The following ADIPOR2 variants were observed in gnomAD, a reference collection of about 807,000 sequenced individuals.
The protein encoded by ADIPOR2 is adiponectin receptor protein 2.
A neutral mutation model predicts 40.9 loss-of-function variants in ADIPOR2; 18 were observed. The observed-to-expected ratio is 0.44, with a 90% CI of 0.30 to 0.65. The LOEUF (loss-of-function observed/expected upper bound fraction) is 0.65, where lower values mean the gene tolerates loss of function less well. ADIPOR2 is among the 30% of genes least tolerant of loss of function. ADIPOR2 has a pLI of 0.09. For synonymous variants in ADIPOR2, 165 were observed against 166.4 expected (o/e 0.99, Z 0.06); for missense variants, 283 against 479.2 (o/e 0.59, Z 3.82).
chr12:1,776,216 A>G (rs140402805), intron 3 of ADIPOR2, among the ~76,000 whole-genome samples: 3,069 of 152,310 alleles, frequency 0.02, 44 homozygotes, highest in Non-Finnish European at 0.032. Context: ...TTCTTTTACA[A>G]ATATCTGTAA....
intron 1 of ADIPOR2, chr12:1,696,421 C>G (rs10848554): frequency 0.82 from 120,483 of 147,550 alleles, 49,691 homozygotes; most frequent in East Asian, 0.9. Context: ...TTGGTTACAG[C>G]GTCTTACTCT....
chr12:1,748,470 A>G (rs190682873), intron 1 of ADIPOR2, among the ~76,000 whole-genome samples: 1,876 of 152,036 alleles, frequency 0.012, 18 homozygotes, highest in Middle Eastern at 0.024. Flanking sequence ...GGATGGTCTC[A>G]ATCTCCTGAC....
intron 3 of ADIPOR2, among the ~76,000 whole-genome samples, chr12:1,776,301 G>T (rs1051960530): frequency 6.6e-5 from 10 of 152,216 alleles, no homozygotes; most frequent in Admixed American, 5.9e-4. Context: ...TGAGTAAGTG[G>T]CAGTCTTTCC....
In ADIPOR2 at chr12:1,719,110, A is replaced by C. The variant is rs1383507977; in HGVS notation, c.-87+27919A>C. Among the ~76,000 whole-genome samples, 7 of 152,206 alleles carry C rather than the reference A, an allele frequency of 4.6e-5. No homozygotes were observed. In the East Asian group the frequency reaches 1.4e-3, roughly 29 times the overall value. ...ATCTTTTTTTAAGGGCCATATTAGT[A>C]ACATATGTTGGGAACTTTTGCCATG... On this transcript the variant is annotated intron_variant, in intron 1 of 7. Coordinates refer to ENST00000357103, the MANE Select transcript of ADIPOR2 (RefSeq NM_024551.3).
chr12:1,695,275 A>G (rs2094636118), intron 1 of ADIPOR2, among the ~76,000 whole-genome samples: 1 of 151,322 alleles, frequency 6.6e-6, no homozygotes, highest in African/African-American at 2.4e-5. Flanking sequence ...GGATTGCTTG[A>G]GGCTAGGAGT....
At chr12:1,735,190 C>T (rs1430124279) in intron 1 of ADIPOR2, among the ~76,000 whole-genome samples, 16 of 152,164 alleles carry the variant, frequency 1.1e-4, no homozygotes, top group South Asian at 4.1e-4. Context: ...TTGGGCAGTA[C>T]GGCCATTTTC....
chr12:1,729,837 G>C (rs571549881), intron 1 of ADIPOR2, among the ~76,000 whole-genome samples: 3 of 152,110 alleles, frequency 2.0e-5, no homozygotes, highest in South Asian at 4.1e-4. Context: ...ATACTGGGCC[G>C]TAAGAAAGCA....
chr12:1,698,329 A>G (rs1469034501), intron 1 of ADIPOR2, among the ~76,000 whole-genome samples: 1 of 152,096 alleles, frequency 6.6e-6, no homozygotes, highest in Non-Finnish European at 1.5e-5. Flanking sequence ...TCTCGAACTC[A>G]AACAGTCCTC....
intron 1 of ADIPOR2, among the ~76,000 whole-genome samples, chr12:1,714,551 GGA>G (rs1167293736): frequency 6.6e-6 from 1 of 152,052 alleles, no homozygotes; most frequent in East Asian, 1.9e-4. Flanking sequence ...GAGTTATGGT[GGA>G]TGTCATTGAA....
intron 1 of ADIPOR2, among the ~76,000 whole-genome samples, chr12:1,737,740 T>A (rs2094733961): frequency 6.6e-6 from 1 of 152,062 alleles, no homozygotes; most frequent in Admixed American, 6.6e-5. Flanking sequence ...TTAGTAGAGA[T>A]GGGGTTTCAC....
intron 2 of ADIPOR2, among the ~76,000 whole-genome samples, chr12:1,761,335 A>G (rs1235855501): frequency 6.6e-6 from 1 of 152,132 alleles, no homozygotes; most frequent in African/African-American, 2.4e-5. Flanking sequence ...TTCATGTAGA[A>G]GCTTTTGTAT....
intron 1 of ADIPOR2, among the ~76,000 whole-genome samples, chr12:1,752,780 C>G (rs1390665891): frequency 6.6e-6 from 1 of 152,084 alleles, no homozygotes; most frequent in East Asian, 1.9e-4. Flanking sequence ...TGTTTGCTGC[C>G]TCTCCCCTGA....
chr12:1,739,423 A>AGGGCAGG (rs1253685384), intron 1 of ADIPOR2, among the ~76,000 whole-genome samples: 2 of 152,228 alleles, frequency 1.3e-5, no homozygotes, highest in Non-Finnish European at 2.9e-5. Context: ...AGCAAACTAT[A>AGGGCAGG]GCTAGCCCCT....
intron 1 of ADIPOR2, among the ~76,000 whole-genome samples, chr12:1,742,407 T>C (rs2094744898): frequency 6.6e-6 from 1 of 152,214 alleles, no homozygotes; most frequent in Non-Finnish European, 1.5e-5. Flanking sequence ...CTTTTTTCTA[T>C]GTTTAGAAAT....
intron 1 of ADIPOR2, among the ~76,000 whole-genome samples, chr12:1,708,497 G>A (rs935418653): frequency 6.6e-6 from 1 of 152,156 alleles, no homozygotes. Context: ...AAGCCTTACA[G>A]TTTTAGACAT....
At chr12:1,785,359 A>C (rs1862805090) in intron 7 of ADIPOR2, among the ~76,000 whole-genome samples, 2 of 152,224 alleles carry the variant, frequency 1.3e-5, no homozygotes, top group African/African-American at 4.8e-5. Flanking sequence ...AGTTTTTGAC[A>C]CATTATGTAG....
intron 1 of ADIPOR2, among the ~76,000 whole-genome samples, chr12:1,736,199 A>G (rs1313246187): frequency 5.9e-5 from 9 of 152,200 alleles, no homozygotes; most frequent in Non-Finnish European, 1.2e-4. Context: ...CTCTGGTAGA[A>G]TTCGGCTGTG....
intron 1 of ADIPOR2, among the ~76,000 whole-genome samples, chr12:1,698,404 T>C (rs947556961): frequency 1.3e-5 from 2 of 152,140 alleles, no homozygotes; most frequent in African/African-American, 4.8e-5. Context: ...GCATTTTTAA[T>C]GGAGACGAGG....
intron 2 of ADIPOR2, among the ~76,000 whole-genome samples, chr12:1,755,277 A>G (rs1377952586): frequency 6.6e-6 from 1 of 151,636 alleles, no homozygotes; most frequent in Non-Finnish European, 1.5e-5. Context: ...ATGGAGTTTC[A>G]CCATGTTGGC....
Sources: allele counts gnomAD v4.1 joint callset (sites outside exome capture counted in the v4.1 genomes callset), GRCh38; gene constraint gnomAD v4.1.1; transcripts MANE v1.5; gene names NCBI Gene and HGNC (gene_info 2026-07-23, HGNC 2026-07-21).